Variants in IL1RAPL2 observed in about 807,000 individuals in gnomAD.
IL1RAPL2 encodes interleukin 1 receptor accessory protein like 2, also known as X-linked interleukin-1 receptor accessory protein-like 2.
IL1RAPL2 carries 3 observed loss-of-function variants against 44.1 expected under a neutral mutation model. That is an observed-to-expected ratio of 0.07 (90% CI 0.03 to 0.18). IL1RAPL2 has a LOEUF of 0.18. Ranked by LOEUF, IL1RAPL2 falls within the 10% of genes least tolerant of loss-of-function variation. IL1RAPL2 has a pLI of 1.00. For synonymous variants in IL1RAPL2, 181 were observed against 178.8 expected (o/e 1.01, Z -0.10); for missense variants, 391 against 496.4 (o/e 0.79, Z 2.02).
At chrX:105,614,821 G>A (rs1349059928) in intron 6 of IL1RAPL2, among the ~76,000 whole-genome samples, 1 of 111,240 alleles carries the variant, frequency 9.0e-6, no homozygotes, top group African/African-American at 3.3e-5. Flanking sequence ...AGCAAAAATG[G>A]ACAAATGGTA....
intron 2 of IL1RAPL2, among the ~76,000 whole-genome samples, chrX:104,728,815 T>C (rs762506076): frequency 4.5e-5 from 5 of 111,998 alleles, no homozygotes; most frequent in Non-Finnish European, 9.4e-5. Flanking sequence ...TGTGAGACAA[T>C]ACATTTCTGT....
In IL1RAPL2 at chrX:105,233,677, T is replaced by C. The variant is rs1177955441; in HGVS notation, c.357-141T>C. ...CTTCTAGTCAGTTGCAGCATAAAACTGCTCTGTGTTGCTTTGATGTTTTTT... is the reference window on the plus strand; with the variant it reads ...CTTCTAGTCAGTTGCAGCATAAAACCGCTCTGTGTTGCTTTGATGTTTTTT... On this transcript the variant is annotated intron_variant, in intron 3 of 10. Transcript: ENST00000372582. 9 of 469,855 alleles carry C rather than the reference T, an allele frequency of 1.9e-5. No individual in the cohort carries two copies. The East Asian group carries it at 2.8e-4, about 15-fold the overall frequency. The allele number at this position is 469,855 out of a possible 1,213,427, so 38.7% of individuals were successfully genotyped here.
intron 2 of IL1RAPL2, among the ~76,000 whole-genome samples, chrX:105,076,374 G>A (rs1271461628): frequency 1.8e-5 from 2 of 111,747 alleles, no homozygotes; most frequent in Non-Finnish European, 3.8e-5. Context: ...TCTTAATCCT[G>A]AGTTCTAGTT....
chrX:105,626,875 A>G (rs1458096780), intron 6 of IL1RAPL2, among the ~76,000 whole-genome samples: 3 of 111,793 alleles, frequency 2.7e-5, no homozygotes, highest in African/African-American at 9.7e-5. Flanking sequence ...TTCAGTGTAC[A>G]TCAGAAACAC....
At chrX:105,247,603 A>ATATATGTGTG (rs996281661) in intron 4 of IL1RAPL2, among the ~76,000 whole-genome samples, 2 of 95,054 alleles carry the variant, frequency 2.1e-5, no homozygotes, top group African/African-American at 7.3e-5. Flanking sequence ...ATATATATAT[A>ATATATGTGTG]TGTGTGTGTG....
intron 1 of IL1RAPL2, among the ~76,000 whole-genome samples, chrX:104,642,094 C>A (rs1402521811): frequency 9.0e-6 from 1 of 111,394 alleles, no homozygotes; most frequent in Non-Finnish European, 1.9e-5. Flanking sequence ...CTCTCATTTA[C>A]CCTTTCCCTC....
In IL1RAPL2 at chrX:104,969,393, A is replaced by G. The variant is rs4826991; in HGVS notation, c.83-226082A>G. ...AAACATTTAAAAGATCTAAATGTAA[A>G]AAGAAAACCTTTAAAATGTTTAGAA... is the stretch of plus-strand genomic sequence containing the variant. On this transcript the variant is annotated intron_variant, in intron 2 of 10. Transcript: ENST00000372582. 9.8e-3 allele frequency among the ~76,000 whole-genome samples: 1,087 copies of G among 111,415 alleles called. 38 individuals carry two copies. Among genetic ancestry groups the G allele is most frequent in the Admixed American group, 0.073 (763 of 10,426 alleles).
chrX:105,694,547 C>T (rs1429696101), intron 6 of IL1RAPL2, among the ~76,000 whole-genome samples: 1 of 111,391 alleles, frequency 9.0e-6, no homozygotes, highest in Non-Finnish European at 1.9e-5. Flanking sequence ...CTTGATGTCC[C>T]ATAGCTTGAA....
intron 1 of IL1RAPL2, among the ~76,000 whole-genome samples, chrX:104,591,769 CTG>C (rs1472901092): frequency 9.1e-6 from 1 of 110,292 alleles, no homozygotes; most frequent in Non-Finnish European, 1.9e-5. Context: ...TCAGATAACA[CTG>C]TGAACAAAAG....
chrX:105,283,519 A>T (rs2034548287), intron 5 of IL1RAPL2, among the ~76,000 whole-genome samples: 1 of 110,759 alleles, frequency 9.0e-6, no homozygotes, highest in African/African-American at 3.3e-5. Context: ...GATTTAAGAG[A>T]TATTATAGAG....
intron 2 of IL1RAPL2, among the ~76,000 whole-genome samples, chrX:105,056,276 A>T (rs1349572612): frequency 8.9e-6 from 1 of 111,903 alleles, no homozygotes; most frequent in Non-Finnish European, 1.9e-5. Context: ...AACATCAATA[A>T]TCGGACAGAG....
intron 7 of IL1RAPL2, among the ~76,000 whole-genome samples, chrX:105,723,989 T>G (rs1486469763): frequency 7.2e-5 from 8 of 111,345 alleles, no homozygotes; most frequent in African/African-American, 2.0e-4. Context: ...GTGCACACAT[T>G]TCAAAATTGC....
At chrX:104,612,599 G>A (rs1364864956) in intron 1 of IL1RAPL2, among the ~76,000 whole-genome samples, 1 of 111,929 alleles carries the variant, frequency 8.9e-6, no homozygotes, top group African/African-American at 3.2e-5. Flanking sequence ...ACAGTTTGAA[G>A]CCAGGTCATG....
At chrX:105,025,317 C>A (rs941571762) in intron 2 of IL1RAPL2, among the ~76,000 whole-genome samples, 1 of 111,136 alleles carries the variant, frequency 9.0e-6, no homozygotes, top group Non-Finnish European at 1.9e-5. Flanking sequence ...TGGTTAGAAC[C>A]AGCTTTTTTG....
intron 6 of IL1RAPL2, among the ~76,000 whole-genome samples, chrX:105,501,349 T>C (rs2036393493): frequency 9.0e-6 from 1 of 111,671 alleles, no homozygotes; most frequent in South Asian, 3.7e-4. Flanking sequence ...CTTAGCCTTG[T>C]ACGATGGCTC....
At chrX:105,552,690 TG>T in intron 6 of IL1RAPL2, among the ~76,000 whole-genome samples, 1 of 112,085 alleles carries the variant, frequency 8.9e-6, no homozygotes, top group Admixed American at 9.5e-5. Context: ...TGGCACAGCC[TG>T]GGTCTCTGAA....
At chrX:105,670,105 GTATATA>G (rs1171872748) in intron 6 of IL1RAPL2, among the ~76,000 whole-genome samples, 207 of 11,684 alleles carry the variant, frequency 0.018, 8 homozygotes, top group South Asian at 0.034. Context: ...TGGGTTTCCT[GTATATA>G]TATATATATA....
chrX:105,381,295 T>G (rs948906283), intron 5 of IL1RAPL2, among the ~76,000 whole-genome samples: 1 of 111,565 alleles, frequency 9.0e-6, no homozygotes, highest in Non-Finnish European at 1.9e-5. Context: ...TATTATTCTT[T>G]TCAAGTTTTA....
chrX:105,471,211 T>C (rs1471013352), intron 5 of IL1RAPL2, among the ~76,000 whole-genome samples: 1 of 111,727 alleles, frequency 9.0e-6, no homozygotes, highest in Non-Finnish European at 1.9e-5. Context: ...GGTACTATTA[T>C]TATCCACAGT....
Sources: gnomAD v4.1 joint callset for allele counts (sites outside exome capture counted in the v4.1 genomes callset) on GRCh38, gnomAD v4.1.1 for gene constraint, MANE v1.5 for transcripts, NCBI Gene and HGNC (gene_info 2026-07-23, HGNC 2026-07-21) for gene names.